AFM: variants seen among roughly 807,000 people sequenced by gnomAD.
AFM encodes the protein alpha-Alb.
Under a neutral mutation model 68.7 loss-of-function variants are expected in AFM, and 82 were observed. The observed-to-expected ratio is 1.19, with a 90% CI of 1.00 to 1.43. The LOEUF is 1.43. Ranked by LOEUF, AFM falls within the 40% of genes most tolerant of loss-of-function variation. The pLI, the probability that AFM is intolerant of heterozygous loss-of-function variation, is 0.00. For missense variants in AFM, 772 were observed against 701.8 expected (o/e 1.10, Z -1.13); for synonymous variants, 250 against 234.2 (o/e 1.07, Z -0.61).
chr4:73,490,199 A>AAG (rs1721033264), intron 7 of AFM, among the ~76,000 whole-genome samples: 2 of 151,930 alleles, frequency 1.3e-5, no homozygotes, highest in African/African-American at 4.8e-5. Flanking sequence ...AAAAAAAAAA[A>AAG]AAAAGAAAGA....
intron 7 of AFM, among the ~76,000 whole-genome samples, chr4:73,489,930 C>A (rs1182418252): frequency 2.0e-5 from 3 of 151,994 alleles, no homozygotes; most frequent in African/African-American, 7.3e-5. Context: ...CACACGTATA[C>A]CTATGTAACA....
intron 7 of AFM, among the ~76,000 whole-genome samples, chr4:73,489,370 T>A (rs1002829138): frequency 5.3e-5 from 8 of 152,138 alleles, no homozygotes; most frequent in Non-Finnish European, 1.2e-4. Context: ...GTATACAACA[T>A]GATATATATG....
chr4:73,489,576 A>G (rs1329214401), intron 7 of AFM, among the ~76,000 whole-genome samples: 2 of 152,200 alleles, frequency 1.3e-5, no homozygotes, highest in African/African-American at 2.4e-5. Flanking sequence ...AATCACTATG[A>G]TGTACAAGAG....
intron 7 of AFM, among the ~76,000 whole-genome samples, chr4:73,491,563 G>T (rs1721071332): frequency 1.3e-5 from 2 of 152,082 alleles, no homozygotes; most frequent in African/African-American, 4.8e-5. Flanking sequence ...ACAACATTTA[G>T]AATATAAGAT....
intron 9 of AFM, among the ~76,000 whole-genome samples, chr4:73,495,973 G>A (rs1721241704): frequency 6.6e-6 from 1 of 152,140 alleles, no homozygotes; most frequent in Admixed American, 6.6e-5. Flanking sequence ...AAATAAGATT[G>A]GCATAATTCC....
chr4:73,501,120 T>G (rs1161839649), intron 12 of AFM, among the ~76,000 whole-genome samples: 1 of 152,160 alleles, frequency 6.6e-6, no homozygotes, highest in African/African-American at 2.4e-5. Flanking sequence ...CCCTGAAGTT[T>G]GGAATTCTAT....
rs751302602 is a variant in AFM, at chr4:73,499,973, C to G, written c.1423-31C>G. On this transcript the variant is annotated intron_variant, in intron 11 of 14. Transcript: ENST00000226355. The stretch of plus-strand genomic sequence containing the variant: ...AGAAATTCCATTCAAGTTTTAAGAT[C>G]GTATCTCAGTTGCAACTCTTGTTGG... The G allele has an allele frequency of 1.3e-5, 20 of 1,558,814 alleles. No homozygotes were observed. In the Admixed American group the frequency reaches 2.4e-4, roughly 18 times the overall value.
chr4:73,498,163 G>T (rs774605798), intron 10 of AFM, among the ~76,000 whole-genome samples: 28 of 152,036 alleles, frequency 1.8e-4, no homozygotes, highest in Non-Finnish European at 2.8e-4. Flanking sequence ...CTCAGGATGT[G>T]TTTAACACTT....
chr4:73,482,766 C>A (rs1010189244), intron 1 of AFM, among the ~76,000 whole-genome samples: 2 of 152,146 alleles, frequency 1.3e-5, no homozygotes, highest in Non-Finnish European at 2.9e-5. Context: ...GTCCCATCCA[C>A]CCTTCTTTTG....
At position 73,485,927 on chromosome 4, in the gene AFM, C is replaced by G. The variant is rs557007019; in HGVS notation, c.336C>G (p.His112Gln). 2.5e-6 allele frequency: 4 copies of G among 1,614,124 alleles called. No homozygotes were observed. The South Asian group carries it at 4.4e-5, about 18-fold the overall frequency. The change falls in exon 4 of 15, where the codon CAC (histidine) becomes CAG (glutamine). Residue 112 changes from histidine (H) to glutamine (Q), a missense_variant. Transcript: ENST00000226355. ...EGLPQKHNFS[H>Q]CCSKVDAQRR... ...TGCCACAAAAGCATAATTTCTCACA[C>G]TGCTGCAGTAAGGTTGATGCTCAAA...
intron 3 of AFM, among the ~76,000 whole-genome samples, chr4:73,485,547 A>AAGGAGAAGG (rs1253558866): frequency 2.0e-4 from 31 of 151,370 alleles, no homozygotes; most frequent in African/African-American, 7.3e-4. Context: ...AAACAAGGAG[A>AAGGAGAAGG]AGGAGAAGGA....
chr4:73,482,466 G>C (rs1015246879), intron 1 of AFM, among the ~76,000 whole-genome samples: 1 of 152,120 alleles, frequency 6.6e-6, no homozygotes, highest in Admixed American at 6.5e-5. Flanking sequence ...TCTTTGACTT[G>C]AACAAATGTG....
At position 73,487,720 on chromosome 4, in the gene AFM, T is replaced by C; in HGVS notation, c.616-4T>C. ...TTCAAAAGAATTTTCTCTTTCTTCT[T>C]CAGGCAATACCTGTCACACAATATT... On this transcript the variant is annotated splice_polypyrimidine_tract_variant and splice_region_variant and intron_variant, in intron 5 of 14. Transcript: ENST00000226355. 6.3e-7 allele frequency: 1 copy of C among 1,587,134 alleles called. No individual in the cohort carries two copies. The highest frequency in any genetic ancestry group is 1.1e-5 in the South Asian group (1 of 89,006).
chr4:73,488,570 C>T (rs1469315420), intron 6 of AFM, 60 bp from the exon 7 acceptor site: 33 of 1,467,392 alleles, frequency 2.2e-5, no homozygotes, highest in Non-Finnish European at 2.8e-5. Flanking sequence ...TAGCAAATTA[C>T]TCCCACTTGT....
intron 10 of AFM, among the ~76,000 whole-genome samples, 176 bp from the exon 11 acceptor site, chr4:73,498,938 A>G (rs1213246667): frequency 6.6e-6 from 1 of 152,192 alleles, no homozygotes; most frequent in Non-Finnish European, 1.5e-5. Flanking sequence ...TATAGGAAGC[A>G]GGGTGCAGGA....
At chr4:73,490,890 G>A (rs746338524) in intron 7 of AFM, among the ~76,000 whole-genome samples, 3 of 152,100 alleles carry the variant, frequency 2.0e-5, no homozygotes, top group African/African-American at 4.8e-5. Context: ...TGGCTTCCTG[G>A]TTCTATGTGG....
chr4:73,493,036 G>C (rs947444326), intron 8 of AFM, among the ~76,000 whole-genome samples: 3 of 152,156 alleles, frequency 2.0e-5, no homozygotes, highest in African/African-American at 7.2e-5. Flanking sequence ...GAAATGGTCA[G>C]TTGTATATAG....
chr4:73,497,517 G>C (rs1476467493), intron 9 of AFM, 135 bp from the exon 10 acceptor site: 4 of 434,802 alleles, frequency 9.2e-6, no homozygotes, highest in Non-Finnish European at 1.6e-5. Context: ...CTTGTAAAAA[G>C]TGCCCTGAAT....
chr4:73,483,253 A>C (rs1720764744), intron 1 of AFM, among the ~76,000 whole-genome samples: 1 of 152,052 alleles, frequency 6.6e-6, no homozygotes, highest in Non-Finnish European at 1.5e-5. Context: ...AAGCATTCCC[A>C]ACTTAATCCC....
Sources: gnomAD v4.1 joint callset for allele counts (sites outside exome capture counted in the v4.1 genomes callset) on GRCh38, gnomAD v4.1.1 for gene constraint, MANE v1.5 for transcripts, NCBI Gene and HGNC (gene_info 2026-07-23, HGNC 2026-07-21) for gene names.